Variants in NAV2 observed in about 807,000 individuals in gnomAD.
The protein encoded by NAV2 is neuron navigator 2, also known as helicase, APC down-regulated 1.
A neutral mutation model predicts 223.2 loss-of-function variants in NAV2; 54 were observed. That is an observed-to-expected ratio of 0.24 (90% confidence interval 0.19 to 0.30). The LOEUF (loss-of-function observed/expected upper bound fraction) is 0.30, where lower values mean the gene tolerates loss of function less well. Among genes scored for constraint, NAV2 ranks in the 10% least tolerant of loss-of-function variants. NAV2 has a pLI of 1.00. For missense variants in NAV2, 2,806 were observed against 3,147.5 expected, an observed-to-expected ratio of 0.89 and a Z score of 2.60; for synonymous variants, 1,279 against 1,239.3, an observed-to-expected ratio of 1.03 and a Z score of -0.67.
chr11:19,392,534 T>G (rs1418783297), intron 1 of NAV2, among the ~76,000 whole-genome samples: 1 of 152,172 alleles, frequency 6.6e-6, no homozygotes, highest in Non-Finnish European at 1.5e-5. Context: ...CTGGCTTTCC[T>G]TACAATGTGG....
chr11:19,746,579 G>A (rs770841409), intron 1 of NAV2, among the ~76,000 whole-genome samples: 17 of 152,042 alleles, frequency 1.1e-4, no homozygotes, highest in Admixed American at 2.6e-4. Context: ...AAAAGAAGGT[G>A]GATTGAATAA....
intron 1 of NAV2, among the ~76,000 whole-genome samples, chr11:19,405,169 G>A (rs1318621939): frequency 6.6e-6 from 1 of 152,172 alleles, no homozygotes; most frequent in East Asian, 1.9e-4. Context: ...ACAAGTACAC[G>A]AAGGCTGCTG....
intron 1 of NAV2, among the ~76,000 whole-genome samples, chr11:19,473,351 G>C (rs184585470): frequency 1.3e-5 from 2 of 152,134 alleles, no homozygotes; most frequent in African/African-American, 2.4e-5. Flanking sequence ...TCTGCAGGAG[G>C]GGGTGGGGGG....
chr11:19,963,286 A>G (rs535381837), intron 10 of NAV2, among the ~76,000 whole-genome samples: 3 of 152,232 alleles, frequency 2.0e-5, no homozygotes, highest in Non-Finnish European at 4.4e-5. Flanking sequence ...CAAGGGGGCC[A>G]AAGCTCTGAG....
In NAV2 at chr11:19,585,613, G is replaced by T. The variant is rs181308033; in HGVS notation, c.75+234586G>T. ...TCTCAACATTTGCTTGTCTGTAAAG[G>T]ATTTTATTTCTCCTTCACTTATGAA... On this transcript the variant is annotated intron_variant, in intron 1 of 37. Transcript: ENST00000360655. 8.7e-4 allele frequency among the ~76,000 whole-genome samples: 133 copies of T among 152,222 alleles called. 1 individual carries two copies. The highest frequency in any genetic ancestry group is 3.0e-3 in the African/African-American group (123 of 41,528).
chr11:19,500,630 T>A (rs1360830564), intron 1 of NAV2, among the ~76,000 whole-genome samples: 1 of 152,206 alleles, frequency 6.6e-6, no homozygotes, highest in Admixed American at 6.5e-5. Context: ...ATTCCAGCCA[T>A]CCCTCGTGGG....
intron 1 of NAV2, among the ~76,000 whole-genome samples, chr11:19,737,969 G>A (rs1241478032): frequency 2.0e-5 from 3 of 152,216 alleles, no homozygotes; most frequent in African/African-American, 7.2e-5. Context: ...AATTAGTGGT[G>A]GTTATGATGT....
At chr11:19,498,981 G>A (rs1206572525) in intron 1 of NAV2, among the ~76,000 whole-genome samples, 1 of 152,168 alleles carries the variant, frequency 6.6e-6, no homozygotes, top group East Asian at 1.9e-4. Flanking sequence ...TTCTCACCAT[G>A]TTCCAGTCTG....
Position 19,530,089 on chromosome 11 carries a change from T to C in NAV2, c.75+179062T>C, listed in dbSNP as rs1207801206. On this transcript the variant is annotated intron_variant, in intron 1 of 37. Transcript: ENST00000360655. ...GAGGGTCAGAAGTCCCCTGAGCAAG[T>C]CACCATTGTCACCACTGGAAGTGGT... Among the ~76,000 whole-genome samples, 4 of 152,098 alleles carry C rather than the reference T, an allele frequency of 2.6e-5. No homozygotes were observed. The East Asian group carries it at 7.7e-4, about 29-fold the overall frequency.
rs573921861 is a variant in NAV2, at chr11:19,579,285, T to C, written c.75+228258T>C. ...GCAGGACTATTATGAGAATTCAGCATGATAATTTAAGTAAATGCTTAACAT... is the reference window on the plus strand; with the variant it reads ...GCAGGACTATTATGAGAATTCAGCACGATAATTTAAGTAAATGCTTAACAT... On this transcript the variant is annotated intron_variant, in intron 1 of 37. Coordinates refer to the NAV2 transcript ENST00000360655. Among the ~76,000 whole-genome samples, 8 of 152,376 alleles carry C rather than the reference T, an allele frequency of 5.3e-5. No homozygotes were observed. In the South Asian group the frequency reaches 6.2e-4, roughly 12 times the overall value.
chr11:19,368,927 G>C (rs1848379178), intron 1 of NAV2, among the ~76,000 whole-genome samples: 1 of 152,126 alleles, frequency 6.6e-6, no homozygotes, highest in African/African-American at 2.4e-5. Flanking sequence ...CAAATTCCTG[G>C]TTATATTTTA....
rs765810967 is a variant in NAV2, at chr11:19,555,051, G to GT, written c.75+204026dup. Among the ~76,000 whole-genome samples, 7 of 149,848 alleles carry GT rather than the reference G, an allele frequency of 4.7e-5. No individual in the cohort carries two copies. The East Asian group carries it at 1.4e-3, about 29-fold the overall frequency. ...AAATCTTATCTACCCATGTATGTAT[G>GT]TTGTAATAATTTATTCCTTTTCAGT... On this transcript the variant is annotated intron_variant, in intron 1 of 37. Transcript: ENST00000360655.
chr11:20,056,998 T>G (rs916794641), intron 19 of NAV2, among the ~76,000 whole-genome samples: 3 of 152,204 alleles, frequency 2.0e-5, no homozygotes, highest in African/African-American at 7.2e-5. Context: ...AGCATTGACT[T>G]CCTGGCAGCT....
At chr11:19,431,274 C>T (rs886440462) in intron 1 of NAV2, among the ~76,000 whole-genome samples, 7 of 152,138 alleles carry the variant, frequency 4.6e-5, no homozygotes, top group African/African-American at 7.2e-5. Context: ...AGAAGGTAAG[C>T]GAAGGTAAGC....
At chr11:20,057,841 A>T (rs1213426771) in intron 19 of NAV2, among the ~76,000 whole-genome samples, 2 of 152,244 alleles carry the variant, frequency 1.3e-5, no homozygotes, top group African/African-American at 2.4e-5. Flanking sequence ...AGACAGCACA[A>T]CTGTGGAATA....
At chr11:19,975,272 C>G (rs2049613504) in intron 10 of NAV2, among the ~76,000 whole-genome samples, 1 of 152,206 alleles carries the variant, frequency 6.6e-6, no homozygotes, top group Non-Finnish European at 1.5e-5. Context: ...GAAGTGTGCC[C>G]TGCCTGCGTC....
At chr11:19,379,847 T>C (rs1346092924) in intron 1 of NAV2, among the ~76,000 whole-genome samples, 1 of 152,166 alleles carries the variant, frequency 6.6e-6, no homozygotes, top group Non-Finnish European at 1.5e-5. Flanking sequence ...AACAGTGTCT[T>C]CCCAGGAAGC....
intron 1 of NAV2, among the ~76,000 whole-genome samples, chr11:19,600,172 CA>C (rs1224283127): frequency 6.6e-6 from 1 of 152,158 alleles, no homozygotes; most frequent in Non-Finnish European, 1.5e-5. Flanking sequence ...AGAATTGTCC[CA>C]TGGAGGAACA....
chr11:19,527,797 G>A lies in NAV2; in HGVS notation c.75+176770G>A, dbSNP rs371021932. Among the ~76,000 whole-genome samples the A allele has an allele frequency of 3.9e-5, 6 of 152,220 alleles. No homozygotes were observed. The South Asian group carries it at 8.3e-4, about 21-fold the overall frequency. On this transcript the variant is annotated intron_variant, in intron 1 of 37. Transcript: ENST00000360655. ...GCACTCTGACTTAGGCTCTTGATTT[G>A]CATCTGGGGTGGTCCCTTCTGACTG...
Sources: gnomAD v4.1 joint callset for allele counts (sites outside exome capture counted in the v4.1 genomes callset) on GRCh38, gnomAD v4.1.1 for gene constraint, MANE v1.5 for transcripts, NCBI Gene and HGNC (gene_info 2026-07-23, HGNC 2026-07-21) for gene names.